The following ECT2L variants were observed in gnomAD, a reference collection of about 807,000 sequenced individuals.
ECT2L encodes epithelial cell-transforming sequence 2 oncogene-like.
A neutral mutation model predicts 122.8 loss-of-function variants in ECT2L; 126 were observed. The observed-to-expected ratio is 1.03, with a 90% confidence interval of 0.89 to 1.19. The LOEUF is 1.19. ECT2L is among the 50% of genes most tolerant of loss of function. ECT2L has a pLI of 0.00. For synonymous variants in ECT2L, 385 were observed against 381.8 expected, an observed-to-expected ratio of 1.01 and a Z score of -0.10; for missense variants, 1,012 against 1,064.1, an observed-to-expected ratio of 0.95 and a Z score of 0.68.
At chr6:138,853,585 G>A (rs551055389) in intron 9 of ECT2L, among the ~76,000 whole-genome samples, 2 of 152,074 alleles carry the variant, frequency 1.3e-5, no homozygotes, top group African/African-American at 4.8e-5. Flanking sequence ...CAGAATTGTC[G>A]GGAAGTGAGA....
In ECT2L at chr6:138,882,587, GT is replaced by G. The variant is rs2128407773; in HGVS notation, c.1881-135del. 4 of 1,043,608 alleles carry G rather than the reference GT, an allele frequency of 3.8e-6. No individual in the cohort carries two copies. The South Asian group carries it at 5.2e-5, about 13-fold the overall frequency. The allele number at this position is 1,043,608 out of a possible 1,614,324, so 64.6% of individuals were successfully genotyped here. A position where few individuals can be genotyped will look rare whatever the true frequency, so the allele number is the denominator to read the frequency against. Reference sequence around the variant, plus strand: ...TCCTGTCAAATCTCCACTTCTCTGTGTTAGGAAGAAATGACTTGACCAAAAC... The same window carrying G: ...TCCTGTCAAATCTCCACTTCTCTGTGTAGGAAGAAATGACTTGACCAAAAC... On this transcript the variant is annotated intron_variant, in intron 15 of 21. Transcript: ENST00000541398.
At chr6:138,845,313 G>T (rs145087936) in intron 7 of ECT2L, among the ~76,000 whole-genome samples, 3,039 of 150,140 alleles carry the variant, frequency 0.02, 88 homozygotes, top group African/African-American at 0.071. Context: ...CACAATCTCA[G>T]CTTACTGCAA....
At chr6:138,824,306 T>G (rs1776356895) in intron 4 of ECT2L, among the ~76,000 whole-genome samples, 1 of 150,972 alleles carries the variant, frequency 6.6e-6, no homozygotes, top group African/African-American at 2.5e-5. Flanking sequence ...ATAAAAGAAG[T>G]TAAAAAAAAA....
chr6:138,831,806 C>A (rs1225906386), intron 4 of ECT2L, among the ~76,000 whole-genome samples: 1 of 152,142 alleles, frequency 6.6e-6, no homozygotes, highest in South Asian at 2.1e-4. Flanking sequence ...GTGAACTGTA[C>A]AATCACAGTA....
chr6:138,846,710 ATTGTTTTTTTGTTTT>A, intron 8 of ECT2L, 33 bp downstream of exon 8: 1 of 1,427,444 alleles, frequency 7.0e-7, no homozygotes, highest in Non-Finnish European at 9.2e-7. Context: ...TCCTGTCCTG[ATTGTTTTTTTGTTTT>A]TTGTTTTTTT....
chr6:138,859,909 G>A (rs1777761901), intron 10 of ECT2L, among the ~76,000 whole-genome samples: 2 of 151,620 alleles, frequency 1.3e-5, no homozygotes, highest in Admixed American at 1.3e-4. Flanking sequence ...CTGCCTCCCA[G>A]GTTCAAGCAA....
intron 4 of ECT2L, among the ~76,000 whole-genome samples, chr6:138,821,353 G>A (rs569935691): frequency 6.8e-4 from 103 of 152,296 alleles, no homozygotes; most frequent in African/African-American, 2.3e-3. Context: ...CAGTGCTTCC[G>A]TAGTGAAACC....
intron 19 of ECT2L, among the ~76,000 whole-genome samples, 161 bp downstream of exon 19, chr6:138,887,083 C>T (rs1000271444): frequency 6.6e-6 from 1 of 152,160 alleles, no homozygotes; most frequent in Non-Finnish European, 1.5e-5. Context: ...TTGTTACCTG[C>T]AAGGTTGCTC....
chr6:138,856,254 G>A (rs577501614), intron 10 of ECT2L, among the ~76,000 whole-genome samples: 118 of 147,892 alleles, frequency 8.0e-4, no homozygotes, highest in Middle Eastern at 3.5e-3. Flanking sequence ...TCGTTCTGTC[G>A]CCCAGACTGG....
chr6:138,822,134 T>G (rs1333901716), intron 4 of ECT2L, among the ~76,000 whole-genome samples: 1 of 152,252 alleles, frequency 6.6e-6, no homozygotes, highest in Non-Finnish European at 1.5e-5. Flanking sequence ...TTTTTCAACG[T>G]TTATTCTTTT....
In ECT2L at chr6:138,874,227, CT is replaced by C. The variant is rs548638700; in HGVS notation, c.1579-2237del. On this transcript the variant is annotated intron_variant, in intron 13 of 21. Transcript: ENST00000541398. Reference sequence around the variant, plus strand: ...AAATTCCTAACATGTTCTTTGTGAGCTTTTTTTTAATGGTCTTCCTTATATG... The same window carrying C: ...AAATTCCTAACATGTTCTTTGTGAGCTTTTTTTAATGGTCTTCCTTATATG... 6.7e-3 allele frequency among the ~76,000 whole-genome samples: 1,024 copies of C among 151,934 alleles called. 11 individuals carry two copies. The highest frequency in any genetic ancestry group is 0.024 in the African/African-American group (978 of 41,426).
chr6:138,861,346 C>G (rs1268336211), intron 10 of ECT2L, among the ~76,000 whole-genome samples: 1 of 152,196 alleles, frequency 6.6e-6, no homozygotes, highest in Non-Finnish European at 1.5e-5. Context: ...CTCCCACCAA[C>G]AATGGAAAAG....
intron 9 of ECT2L, 120 bp downstream of exon 9, chr6:138,849,554 C>G: frequency 2.1e-6 from 2 of 943,866 alleles, no homozygotes; most frequent in Non-Finnish European, 2.9e-6. Context: ...GATTTTTTGG[C>G]TTTATGAAAA....
At chr6:138,861,825 A>G (rs1158493723) in intron 10 of ECT2L, among the ~76,000 whole-genome samples, 6 of 152,222 alleles carry the variant, frequency 3.9e-5, no homozygotes, top group African/African-American at 1.4e-4. Flanking sequence ...AATTTTAACC[A>G]TCATATTCCA....
intron 20 of ECT2L, among the ~76,000 whole-genome samples, chr6:138,890,492 C>CTGTTTTTTTTTT (rs1778980128): frequency 1.3e-5 from 1 of 78,990 alleles, no homozygotes; most frequent in Non-Finnish European, 2.2e-5. Flanking sequence ...TTTCTTTGAT[C>CTGTTTTTTTTTT]TTTTTTTTTT....
At chr6:138,879,684 G>A (rs1778580974) in intron 14 of ECT2L, among the ~76,000 whole-genome samples, 1 of 152,176 alleles carries the variant, frequency 6.6e-6, no homozygotes, top group African/African-American at 2.4e-5. Context: ...GCTGGGCAAG[G>A]TGGCTCATGC....
chr6:138,860,775 G>A (rs1397054170), intron 10 of ECT2L, among the ~76,000 whole-genome samples: 1 of 147,574 alleles, frequency 6.8e-6, no homozygotes, highest in Non-Finnish European at 1.5e-5. Flanking sequence ...TTTGTTACAT[G>A]GGTATACATG....
intron 4 of ECT2L, among the ~76,000 whole-genome samples, chr6:138,833,632 G>A (rs1776723593): frequency 6.6e-6 from 1 of 151,934 alleles, no homozygotes; most frequent in African/African-American, 2.4e-5. Flanking sequence ...ACGAAACCCT[G>A]TCTTCACTAA....
At chr6:138,875,183 C>T (rs1300822996) in intron 13 of ECT2L, among the ~76,000 whole-genome samples, 2 of 152,180 alleles carry the variant, frequency 1.3e-5, no homozygotes, top group African/African-American at 2.4e-5. Flanking sequence ...GTGCAGAGGA[C>T]AAAAGAAATC....
Sources: allele counts gnomAD v4.1 joint callset (sites outside exome capture counted in the v4.1 genomes callset), GRCh38; gene constraint gnomAD v4.1.1; transcripts MANE v1.5; gene names NCBI Gene and HGNC (gene_info 2026-07-23, HGNC 2026-07-21).